The following CHLSN variants were observed in gnomAD, a reference collection of about 807,000 sequenced individuals.
CHLSN encodes the protein cholesin.
chr7:1,025,678 C>A, the CHLSN span: 1 of 152,358 alleles, frequency 6.6e-6, no homozygotes, highest in Non-Finnish European at 1.5e-5. Context: ...GGGCTGGTAA[C>A]AGAGCTTTGT....
chr7:1,010,945 G>A, the CHLSN span, among the ~76,000 whole-genome samples: 2 of 151,998 alleles, frequency 1.3e-5, no homozygotes, highest in African/African-American at 4.8e-5. Context: ...CAACCAGGCA[G>A]CGCCCACCGG....
At chr7:1,069,135 C>T in the CHLSN span, among the ~76,000 whole-genome samples, 1 of 152,250 alleles carries the variant, frequency 6.6e-6, no homozygotes, top group South Asian at 2.1e-4. Flanking sequence ...GAGTTCGAGA[C>T]CAGCTTTACC....
chr7:1,091,945 G>A, the CHLSN span: 10 of 1,614,026 alleles, frequency 6.2e-6, no homozygotes, highest in East Asian at 2.2e-5. Flanking sequence ...CTTCCCCATC[G>A]GCTTTGTGGG....
At chr7:1,055,197 G>A in the CHLSN span, 2 of 468,434 alleles carry the variant, frequency 4.3e-6, no homozygotes, top group South Asian at 3.1e-5. Flanking sequence ...CCTCGTTTCT[G>A]GAACCCGGCT....
the CHLSN span, among the ~76,000 whole-genome samples, chr7:1,089,319 G>C: frequency 1.3e-5 from 2 of 152,198 alleles, no homozygotes; most frequent in African/African-American, 2.4e-5. Flanking sequence ...AGTACTTTTA[G>C]AATAACTGAC....
At chr7:1,048,289 G>A in the CHLSN span, among the ~76,000 whole-genome samples, 2 of 152,182 alleles carry the variant, frequency 1.3e-5, no homozygotes, top group Admixed American at 6.5e-5. Context: ...AGCAACAGAG[G>A]AAAGAACTTC....
chr7:997,595 G>A, the CHLSN span: 3 of 1,498,662 alleles, frequency 2.0e-6, no homozygotes, highest in Non-Finnish European at 1.8e-6. Context: ...GCCCTGCACT[G>A]GGCAGCGGCC....
the CHLSN span, among the ~76,000 whole-genome samples, chr7:980,836 C>T: frequency 2.0e-5 from 3 of 151,954 alleles, no homozygotes; most frequent in South Asian, 2.1e-4. Flanking sequence ...TACAGGCGCC[C>T]GCTATCACGC....
chr7:1,015,832 G>A, the CHLSN span, among the ~76,000 whole-genome samples: 6 of 152,338 alleles, frequency 3.9e-5, no homozygotes, highest in South Asian at 1.2e-3. Flanking sequence ...GTGAAGCGAG[G>A]CCAAAGGTCA....
At chr7:1,121,189 T>A in the CHLSN span, among the ~76,000 whole-genome samples, 1 of 152,210 alleles carries the variant, frequency 6.6e-6, no homozygotes, top group African/African-American at 2.4e-5. Flanking sequence ...GTTCCTCAGG[T>A]TCCACCTGCC....
chr7:1,134,328 C>G, the CHLSN span, among the ~76,000 whole-genome samples: 159 of 152,184 alleles, frequency 1.0e-3, no homozygotes, highest in Non-Finnish European at 2.1e-3. Context: ...AATACCAGCA[C>G]TTTGGGAGGC....
chr7:1,092,886 G>C, the CHLSN span: 1 of 1,596,972 alleles, frequency 6.3e-7, no homozygotes, highest in South Asian at 1.1e-5. Context: ...CCCAGCCAGG[G>C]TGTGACTCGG....
At chr7:998,474 T>TC in the CHLSN span, among the ~76,000 whole-genome samples, 1 of 146,724 alleles carries the variant, frequency 6.8e-6, no homozygotes, top group South Asian at 2.2e-4. Context: ...TTTTTTTTTT[T>TC]TTTTTTGAGC....
the CHLSN span, among the ~76,000 whole-genome samples, chr7:990,793 G>C: frequency 6.6e-6 from 1 of 152,148 alleles, no homozygotes. Flanking sequence ...AGAAAGAACG[G>C]GGTCCTGGCG....
At chr7:1,124,746 A>C in the CHLSN span, among the ~76,000 whole-genome samples, 3 of 120,554 alleles carry the variant, frequency 2.5e-5, no homozygotes, top group South Asian at 2.3e-4. Flanking sequence ...AAAAAAGCAC[A>C]AAAAAAAAAA....
chr7:1,049,530 A>G, the CHLSN span, among the ~76,000 whole-genome samples: 1 of 152,218 alleles, frequency 6.6e-6, no homozygotes, highest in Non-Finnish European at 1.5e-5. Flanking sequence ...CCCGCTCCAG[A>G]GCCCAGGCCC....
the CHLSN span, among the ~76,000 whole-genome samples, chr7:1,102,060 C>G: frequency 3.3e-5 from 5 of 152,236 alleles, no homozygotes; most frequent in East Asian, 9.6e-4. Context: ...GGCAGCATGT[C>G]CGCTGACCAC....
chr7:991,197 G>A, the CHLSN span, among the ~76,000 whole-genome samples: 3 of 152,256 alleles, frequency 2.0e-5, no homozygotes, highest in East Asian at 1.9e-4. Context: ...CAAGTACAGG[G>A]TGATGAGTGA....
chr7:1,071,012 GCA>G, the CHLSN span, among the ~76,000 whole-genome samples: 2 of 150,540 alleles, frequency 1.3e-5, no homozygotes, highest in African/African-American at 2.5e-5. Context: ...ACACGCACAT[GCA>G]CACACATGCA....
Sources: gnomAD v4.1 joint callset for allele counts (sites outside exome capture counted in the v4.1 genomes callset) on GRCh38, gnomAD v4.1.1 for gene constraint, MANE v1.5 for transcripts, NCBI Gene and HGNC (gene_info 2026-07-23, HGNC 2026-07-21) for gene names.